NRG1: variants seen among roughly 807,000 people sequenced by gnomAD.
The protein encoded by NRG1 is pro-neuregulin-1, membrane-bound isoform.
NRG1 carries 18 observed loss-of-function variants against 63.8 expected under a neutral mutation model. That is an observed-to-expected ratio of 0.28 (90% CI 0.19 to 0.42). The LOEUF (loss-of-function observed/expected upper bound fraction) is 0.42. NRG1 is among the 10% of genes least tolerant of loss of function. NRG1 has a pLI of 1.00. For synonymous variants in NRG1, 302 were observed against 301.3 expected, an observed-to-expected ratio of 1.00 and a Z score of -0.02; for missense variants, 762 against 814.7, an observed-to-expected ratio of 0.94 and a Z score of 0.79.
intron 1 of NRG1, among the ~76,000 whole-genome samples, chr8:32,263,498 C>T (rs571377641): frequency 2.0e-5 from 3 of 152,238 alleles, no homozygotes; most frequent in Admixed American, 1.3e-4. Context: ...TTGTCAGACC[C>T]GCACTTTTTG....
chr8:31,727,792 A>C (rs1813597567), intron 1 of NRG1, among the ~76,000 whole-genome samples: 2 of 152,182 alleles, frequency 1.3e-5, no homozygotes, highest in Admixed American at 1.3e-4. Flanking sequence ...TTTAATTTAT[A>C]AATTAGGCAC....
chr8:32,270,688 A>G (rs1851449921), intron 1 of NRG1, among the ~76,000 whole-genome samples: 1 of 152,222 alleles, frequency 6.6e-6, no homozygotes, highest in Non-Finnish European at 1.5e-5. Context: ...GAACTTTGCT[A>G]GAGGTGATTT....
intron 5 of NRG1, among the ~76,000 whole-genome samples, chr8:32,659,146 C>CTTTTTTTTTTTTT (rs11408766): frequency 2.2e-5 from 3 of 136,040 alleles, no homozygotes; most frequent in East Asian, 4.4e-4. Context: ...CTTTTCTTTT[C>CTTTTTTTTTTTTT]TTTTTTTTTT....
At chr8:31,658,731 G>A (rs1014294770) in intron 1 of NRG1, among the ~76,000 whole-genome samples, 4 of 152,176 alleles carry the variant, frequency 2.6e-5, no homozygotes, top group African/African-American at 9.7e-5. Context: ...CCAAAGTGCT[G>A]AGATGACAGG....
At chr8:32,400,927 G>T (rs1407377342) in intron 1 of NRG1, among the ~76,000 whole-genome samples, 1 of 152,198 alleles carries the variant, frequency 6.6e-6, no homozygotes, top group Non-Finnish European at 1.5e-5. Flanking sequence ...TAAAGAAAAT[G>T]TGGTACATAT....
intron 1 of NRG1, among the ~76,000 whole-genome samples, chr8:31,752,182 T>C (rs1447945846): frequency 6.6e-6 from 1 of 152,074 alleles, no homozygotes; most frequent in Non-Finnish European, 1.5e-5. Context: ...GGAAGATGAC[T>C]GTTTTGTGGA....
intron 1 of NRG1, among the ~76,000 whole-genome samples, chr8:31,684,468 G>A (rs1468498218): frequency 1.3e-5 from 2 of 152,112 alleles, no homozygotes; most frequent in Non-Finnish European, 2.9e-5. Context: ...CTTGGACCTC[G>A]CAGCTTCCAG....
chr8:32,437,270 C>T (rs1256546005), intron 1 of NRG1, among the ~76,000 whole-genome samples: 1 of 152,092 alleles, frequency 6.6e-6, no homozygotes, highest in Non-Finnish European at 1.5e-5. Context: ...CTCCTCTGAA[C>T]TCAGTGTCAC....
At chr8:31,923,769 T>C (rs776903689) in intron 1 of NRG1, among the ~76,000 whole-genome samples, 11 of 152,082 alleles carry the variant, frequency 7.2e-5, no homozygotes, top group Non-Finnish European at 1.3e-4. Context: ...CTGATGTATT[T>C]TGCATTATGG....
chr8:31,788,725 A>G (rs1820413835), intron 1 of NRG1, among the ~76,000 whole-genome samples: 1 of 152,204 alleles, frequency 6.6e-6, no homozygotes, highest in Admixed American at 6.5e-5. Flanking sequence ...GTAACACTAC[A>G]TTAGTTAACT....
chr8:31,645,890 T>C (rs78389535), intron 1 of NRG1, among the ~76,000 whole-genome samples: 2,567 of 152,304 alleles, frequency 0.017, 79 homozygotes, highest in African/African-American at 0.059. Context: ...CTGTGTTTTT[T>C]CTTTTCTTCT....
rs75466606 is a variant in NRG1 at position 31,817,830 on chromosome 8, A to T, written c.37+178399A>T. 1.1e-3 allele frequency among the ~76,000 whole-genome samples: 169 copies of T among 152,342 alleles called. No individual in the cohort carries two copies. The East Asian group carries it at 0.028, about 26-fold the overall frequency. ...TACTTGAAAATCAGACTTGTCTAAAATTTCTTTTGTAAGATATTAGAGAAC... is the reference window on the plus strand; with the variant it reads ...TACTTGAAAATCAGACTTGTCTAAATTTTCTTTTGTAAGATATTAGAGAAC... On this transcript the variant is annotated intron_variant, in intron 1 of 10. Coordinates refer to the NRG1 transcript ENST00000519301.
chr8:31,654,405 C>T (rs1805214510), intron 1 of NRG1, among the ~76,000 whole-genome samples: 1 of 152,170 alleles, frequency 6.6e-6, no homozygotes, highest in South Asian at 2.1e-4. Flanking sequence ...TATTGTTATG[C>T]TGTCTTTAAA....
At chr8:32,312,438 G>T (rs1856930824) in intron 1 of NRG1, among the ~76,000 whole-genome samples, 2 of 147,320 alleles carry the variant, frequency 1.4e-5, no homozygotes, top group African/African-American at 5.1e-5. Context: ...GCCTCCCAAA[G>T]TGCTGGGATT....
At chr8:32,664,505 G>C (rs904562861) in intron 5 of NRG1, among the ~76,000 whole-genome samples, 1 of 152,040 alleles carries the variant, frequency 6.6e-6, no homozygotes, top group Admixed American at 6.6e-5. Context: ...GAAGGAATTT[G>C]CTGATAGCGA....
chr8:32,364,075 CTT>C (rs932903875), intron 1 of NRG1, among the ~76,000 whole-genome samples: 224 of 65,514 alleles, frequency 3.4e-3, no homozygotes, highest in African/African-American at 0.013. Context: ...TCTGACTAGT[CTT>C]TTTTTTTTTT....
At chr8:32,044,706 ATACTC>A (rs1820646971) in intron 1 of NRG1, among the ~76,000 whole-genome samples, 1 of 150,120 alleles carries the variant, frequency 6.7e-6, no homozygotes. Context: ...ACACTTCTAA[ATACTC>A]TACAGTCAAA....
chr8:32,014,465 T>G (rs1287161779), intron 1 of NRG1, among the ~76,000 whole-genome samples: 1 of 151,926 alleles, frequency 6.6e-6, no homozygotes, highest in Non-Finnish European at 1.5e-5. Flanking sequence ...AGATGAAAAA[T>G]TCATCCTGCT....
At chr8:32,611,425 T>C (rs1488708699) in intron 3 of NRG1, among the ~76,000 whole-genome samples, 1 of 152,096 alleles carries the variant, frequency 6.6e-6, no homozygotes, top group Non-Finnish European at 1.5e-5. Context: ...TTGAAAAGCA[T>C]GTAAAATATG....
Sources: allele counts gnomAD v4.1 joint callset (sites outside exome capture counted in the v4.1 genomes callset), GRCh38; gene constraint gnomAD v4.1.1; transcripts MANE v1.5; gene names NCBI Gene and HGNC (gene_info 2026-07-23, HGNC 2026-07-21).